The following APPL1 variants were observed in gnomAD, a reference collection of about 807,000 sequenced individuals.
APPL1 encodes the protein DCC-interacting protein 13-alpha.
A neutral mutation model predicts 106.8 loss-of-function variants in APPL1; 42 were observed. The ratio of observed to expected loss-of-function variants is 0.39; its 90% CI spans 0.31 to 0.51. APPL1 has a LOEUF of 0.51. APPL1 is among the 20% of genes least tolerant of loss of function. The pLI, the probability that APPL1 is intolerant of heterozygous loss-of-function variation, is 0.75. For synonymous variants in APPL1, 263 were observed against 281.8 expected (o/e 0.93, Z 0.67); for missense variants, 769 against 858.2 (o/e 0.90, Z 1.30).
At chr3:57,236,017 A>G (rs970264021) in intron 2 of APPL1, among the ~76,000 whole-genome samples, 1 of 150,188 alleles carries the variant, frequency 6.7e-6, no homozygotes. Context: ...GCTTATTACA[A>G]TCTTATGGAG....
Position 57,227,828 on chromosome 3 carries a change from C to A in APPL1, c.-56C>A. ...GGGTCAGCTGCGGCGGGCGGGCCGG[C>A]GCGGGGAGCTGTGGGCGGCAGCTGC... On this transcript the variant is annotated 5_prime_UTR_variant, in exon 1 of 22. Coordinates refer to ENST00000288266, the MANE Select transcript of APPL1 (RefSeq NM_012096.3). 2 of 1,398,210 alleles carry A rather than the reference C, an allele frequency of 1.4e-6. No homozygotes were observed. The highest frequency in any genetic ancestry group is 1.9e-6 in the Non-Finnish European group (2 of 1,062,794). 86.6% of individuals were successfully genotyped at this position (1,398,210 alleles called of 1,614,324 possible). A position where few individuals can be genotyped will look rare whatever the true frequency, so the allele number is the denominator to read the frequency against.
chr3:57,255,436 A>G (rs1023252930), intron 13 of APPL1, among the ~76,000 whole-genome samples: 1 of 152,214 alleles, frequency 6.6e-6, no homozygotes, highest in African/African-American at 2.4e-5. Flanking sequence ...AGAGATGACT[A>G]AGGTAAAGAT....
At chr3:57,246,029 ATAAT>A in intron 7 of APPL1, 43 bp from the exon 8 acceptor site, 1 of 1,409,244 alleles carries the variant, frequency 7.1e-7, no homozygotes, top group South Asian at 1.5e-5. Flanking sequence ...AATTAAGTAA[ATAAT>A]AGCAGATTAT....
rs200911734 is a variant in APPL1 at position 57,248,236 on chromosome 3, A to G, written c.748A>G (p.Thr250Ala). ...MDSDIETMQQ[T>A]IEDLEVASDP... is the part of the protein sequence containing the mutation. ...CAGTGATATAGAGACCATGCAACAG[A>G]CAATAGAGGATTTGGAAGTAGCCAG... The change falls in exon 10 of 22, where the codon ACA (threonine) becomes GCA (alanine). Residue 250 changes from threonine (T) to alanine (A), a missense_variant. Coordinates refer to ENST00000288266, the MANE Select transcript of APPL1 (RefSeq NM_012096.3). The G allele has an allele frequency of 1.9e-6, 3 of 1,614,184 alleles. No individual in the cohort carries two copies. The highest frequency in any genetic ancestry group is 2.7e-5 in the African/African-American group (2 of 75,046).
intron 11 of APPL1, among the ~76,000 whole-genome samples, chr3:57,251,094 A>T (rs1579392621): frequency 6.8e-6 from 1 of 147,642 alleles, no homozygotes; most frequent in African/African-American, 2.5e-5. Flanking sequence ...GGCGTGAGCC[A>T]CCGCGCCCGG....
At chr3:57,261,581 C>A (rs555519445) in intron 19 of APPL1, among the ~76,000 whole-genome samples, 27 of 152,192 alleles carry the variant, frequency 1.8e-4, no homozygotes, top group African/African-American at 6.5e-4. Context: ...TGCAGTGGTG[C>A]GATCTTGGCT....
chr3:57,265,276 G>C (rs1318356840), intron 19 of APPL1, among the ~76,000 whole-genome samples: 1 of 151,950 alleles, frequency 6.6e-6, no homozygotes, highest in Non-Finnish European at 1.5e-5. Context: ...AGCCTCCCAG[G>C]TACCTGGGAT....
At chr3:57,229,459 C>T (rs191297679) in intron 1 of APPL1, among the ~76,000 whole-genome samples, 2 of 151,788 alleles carry the variant, frequency 1.3e-5, no homozygotes, top group East Asian at 3.9e-4. Context: ...GATTAGTTTA[C>T]AACTTAAGAA....
In APPL1 at chr3:57,269,958, C is replaced by T. The variant is rs2060924929; in HGVS notation, c.*271C>T. 1 of 242,436 alleles carries T rather than the reference C, an allele frequency of 4.1e-6. No individual in the cohort carries two copies. The highest frequency in any genetic ancestry group is 1.5e-4 in the South Asian group (1 of 6,476). 15.0% of individuals were successfully genotyped at this position (242,436 alleles called of 1,614,324 possible). A position where few individuals can be genotyped will look rare whatever the true frequency, so the allele number is the denominator to read the frequency against. On this transcript the variant is annotated 3_prime_UTR_variant, in exon 22 of 22. Transcript: ENST00000288266. ...AGACTGCTGAGGAATTACATTTGCT[C>T]AAGAATTTTTTCCGTCAAATTGTGA...
rs1288445616 is a variant in APPL1, at chr3:57,228,721, C to T, written c.54+784C>T. 6.6e-6 allele frequency among the ~76,000 whole-genome samples: 1 copy of T among 152,200 alleles called. No homozygotes were observed. Among genetic ancestry groups the T allele is most frequent in the Non-Finnish European group, 1.5e-5 (1 of 68,038 alleles). ...TGTTTTCAGTACTGCAGAATGAAAG[C>T]AGCTATATTTTTTAAAATGTTGGCA... On this transcript the variant is annotated intron_variant, in intron 1 of 21. Transcript: ENST00000288266. This position sits in a 1 kb window ranked among gnomAD's most constrained non-coding sequence, Gnocchi z 4.6.
Position 57,259,017 on chromosome 3 carries a change from A to G in APPL1, c.1431-11A>G, listed in dbSNP as rs777072835. On this transcript the variant is annotated splice_polypyrimidine_tract_variant and intron_variant, in intron 15 of 21. Transcript: ENST00000288266. The stretch of plus-strand genomic sequence containing the variant: ...TGACCATGTGTTCATATTTTCTTCT[A>G]AACTTTTTAGGCGTACAAATCCATT... 6.2e-7 allele frequency: 1 copy of G among 1,609,398 alleles called. No individual in the cohort carries two copies. Among genetic ancestry groups the G allele is most frequent in the Non-Finnish European group, 8.5e-7 (1 of 1,177,292 alleles).
At chr3:57,261,408 T>G (rs2060864493) in intron 19 of APPL1, among the ~76,000 whole-genome samples, 2 of 152,252 alleles carry the variant, frequency 1.3e-5, no homozygotes, top group Non-Finnish European at 2.9e-5. Context: ...TGAATAGTAC[T>G]ACAGTAAACA....
rs530517049 is a variant in APPL1 at position 57,270,521 on chromosome 3, C to T, written c.*834C>T. 6.5e-6 allele frequency: 1 copy of T among 152,724 alleles called. No homozygotes were observed. The highest frequency in any genetic ancestry group is 2.4e-5 in the African/African-American group (1 of 41,580). The allele number at this position is 152,724 out of a possible 1,614,324, so 9.5% of individuals were successfully genotyped here. On this transcript the variant is annotated 3_prime_UTR_variant, in exon 22 of 22. Transcript: ENST00000288266. ...GTAAAGATACTGCTATGGAATGATACATTGTATTTTCTGCATTGTGTGAAA... is the reference window on the plus strand; with the variant it reads ...GTAAAGATACTGCTATGGAATGATATATTGTATTTTCTGCATTGTGTGAAA...
At position 57,253,673 on chromosome 3, in the gene APPL1, C is replaced by T; in HGVS notation, c.1096-9C>T. The T allele has an allele frequency of 1.4e-6, 2 of 1,419,290 alleles. No individual in the cohort carries two copies. Among genetic ancestry groups the T allele is most frequent in the South Asian group, 1.5e-5 (1 of 67,020 alleles). The allele number at this position is 1,419,290 out of a possible 1,614,324, so 87.9% of individuals were successfully genotyped here. A position where few individuals can be genotyped will look rare whatever the true frequency, so the allele number is the denominator to read the frequency against. ...AAAAATTATATTTTTCTATTTTTTC[C>T]TCTTGCAGTGGATCTGTACAATAAA... is the stretch of plus-strand genomic sequence containing the variant. On this transcript the variant is annotated splice_polypyrimidine_tract_variant and intron_variant, in intron 12 of 21. Coordinates refer to ENST00000288266, the MANE Select transcript of APPL1 (RefSeq NM_012096.3).
chr3:57,236,036 C>T (rs981637380), intron 2 of APPL1, among the ~76,000 whole-genome samples: 3 of 132,018 alleles, frequency 2.3e-5, no homozygotes, highest in African/African-American at 5.3e-5. Flanking sequence ...AGCACTTCCC[C>T]ACCCCCACTT....
At chr3:57,234,616 C>A (rs1027222846) in intron 1 of APPL1, among the ~76,000 whole-genome samples, 3 of 150,704 alleles carry the variant, frequency 2.0e-5, no homozygotes, top group Non-Finnish European at 4.4e-5. Flanking sequence ...TTAACATTTA[C>A]TTATAAGCTT....
At chr3:57,269,415 A>G (rs952200032) in intron 21 of APPL1, 126 bp from the exon 22 acceptor site, 5 of 878,620 alleles carry the variant, frequency 5.7e-6, no homozygotes, top group East Asian at 2.8e-5. Context: ...CTTTTTATCA[A>G]GTTGTCAGAA....
intron 4 of APPL1, among the ~76,000 whole-genome samples, 162 bp from the exon 5 acceptor site, chr3:57,240,303 A>G (rs1559508077): frequency 6.6e-6 from 1 of 151,984 alleles, no homozygotes; most frequent in Non-Finnish European, 1.5e-5. Flanking sequence ...AGTAAATGGA[A>G]TTTTTTGACT....
chr3:57,240,594 A>T, intron 5 of APPL1, 42 bp downstream of exon 5: 1 of 1,516,744 alleles, frequency 6.6e-7, no homozygotes, highest in Non-Finnish European at 9.2e-7. Flanking sequence ...TGGCTGTGAG[A>T]TCAACACTTG....
Sources: gnomAD v4.1 joint callset for allele counts (sites outside exome capture counted in the v4.1 genomes callset) on GRCh38, gnomAD v4.1.1 for gene constraint, Gnocchi (gnomAD v3.1) non-coding constraint, MANE v1.5 for transcripts, NCBI Gene and HGNC (gene_info 2026-07-23, HGNC 2026-07-21) for gene names.